Variants in GFOD1 observed in about 807,000 individuals in gnomAD.
GFOD1 encodes the protein Gfo/Idh/MocA-like oxidoreductase domain containing 1, also known as glucose-fructose oxidoreductase domain-containing protein 1.
Under a neutral mutation model 25.4 loss-of-function variants are expected in GFOD1, and 9 were observed. That is an observed-to-expected ratio of 0.35 (90% CI 0.21 to 0.62). The LOEUF is 0.62. Among genes scored for constraint, GFOD1 ranks in the 20% least tolerant of loss-of-function variants. GFOD1 has a pLI of 0.72. For synonymous variants in GFOD1, 253 were observed against 245.6 expected, an observed-to-expected ratio of 1.03 and a Z score of -0.28; for missense variants, 403 against 556.9, an observed-to-expected ratio of 0.72 and a Z score of 2.78.
chr6:13,401,674 A>T (rs2127563564), intron 1 of GFOD1, among the ~76,000 whole-genome samples: 1 of 152,346 alleles, frequency 6.6e-6, no homozygotes, highest in East Asian at 1.9e-4. Context: ...AAAATCAAAG[A>T]AGATCTTAAT....
At position 13,362,682 on chromosome 6, in the gene GFOD1, A is replaced by C. The variant is rs1784966227; in HGVS notation, c.*2061T>G. 6.6e-6 allele frequency: 1 copy of C among 152,260 alleles called. No homozygotes were observed. Among genetic ancestry groups the C allele is most frequent in the African/African-American group, 2.4e-5 (1 of 41,454 alleles). The allele number at this position is 152,260 out of a possible 1,614,324, so 9.4% of individuals were successfully genotyped here. A position where few individuals can be genotyped will look rare whatever the true frequency, so the allele number is the denominator to read the frequency against. On this transcript the variant is annotated 3_prime_UTR_variant, in exon 2 of 2. Coordinates refer to ENST00000379287, the MANE Select transcript of GFOD1 (RefSeq NM_018988.4). ...CAGCTTACCCACCCTGCAGTGCTGT[A>C]GCAAAGCCTCGGGAAGCAGGGCGAC...
intron 1 of GFOD1, among the ~76,000 whole-genome samples, chr6:13,431,988 T>C (rs914079140): frequency 3.9e-5 from 6 of 152,190 alleles, no homozygotes; most frequent in African/African-American, 1.4e-4. Context: ...TCAGCAGCAT[T>C]CTGCCTCTAC....
At chr6:13,469,170 G>C in intron 1 of GFOD1, 1 of 859,650 alleles carries the variant, frequency 1.2e-6, no homozygotes, top group South Asian at 5.3e-5. Context: ...ACAGTAAAGA[G>C]GCCACTGGTC....
chr6:13,378,402 G>A (rs558563811), intron 1 of GFOD1, among the ~76,000 whole-genome samples: 5 of 152,334 alleles, frequency 3.3e-5, no homozygotes, highest in African/African-American at 1.2e-4. Context: ...TGAAAGGAGG[G>A]CAGAGTCTAG....
intron 1 of GFOD1, among the ~76,000 whole-genome samples, chr6:13,457,695 A>G (rs1758214678): frequency 6.6e-6 from 1 of 152,218 alleles, no homozygotes; most frequent in African/African-American, 2.4e-5. Context: ...GATTCAGAGT[A>G]AGCAAGTCAT....
chr6:13,362,126 C>T lies in GFOD1; in HGVS notation c.*2617G>A, dbSNP rs1187914326. The T allele has an allele frequency of 6.6e-6, 1 of 151,988 alleles. No homozygotes were observed. Among genetic ancestry groups the T allele is most frequent in the Non-Finnish European group, 1.5e-5 (1 of 67,976 alleles). The allele number at this position is 151,988 out of a possible 1,614,324, so 9.4% of individuals were successfully genotyped here. Reference sequence around the variant, plus strand: ...CTAGAAAATAATAATAATAATAATTCCAATGTTTCCCCAAAAACTACTTTC... The same window carrying T: ...CTAGAAAATAATAATAATAATAATTTCAATGTTTCCCCAAAAACTACTTTC... On this transcript the variant is annotated 3_prime_UTR_variant, in exon 2 of 2. Transcript: ENST00000379287.
chr6:13,470,785 C>T (rs1562229303), intron 1 of GFOD1, among the ~76,000 whole-genome samples: 1 of 152,168 alleles, frequency 6.6e-6, no homozygotes. Flanking sequence ...CCCTTGACTA[C>T]AGTCAAGAGA....
At chr6:13,393,087 G>A (rs954423948) in intron 1 of GFOD1, among the ~76,000 whole-genome samples, 1 of 151,922 alleles carries the variant, frequency 6.6e-6, no homozygotes, top group African/African-American at 2.4e-5. Flanking sequence ...TGGGTGTGGT[G>A]GCTCATGTCT....
At chr6:13,437,803 T>C (rs1757856712) in intron 1 of GFOD1, among the ~76,000 whole-genome samples, 1 of 152,166 alleles carries the variant, frequency 6.6e-6, no homozygotes, top group Non-Finnish European at 1.5e-5. Context: ...CAGACAGAAA[T>C]CATTACTGGT....
chr6:13,360,669 T>C lies in GFOD1; in HGVS notation c.*4074A>G. On this transcript the variant is annotated 3_prime_UTR_variant, in exon 2 of 2. Coordinates refer to ENST00000379287, the MANE Select transcript of GFOD1 (RefSeq NM_018988.4). ...TCCATTTTGGAATGGGAAGAAACACTGGCTACTTCTATGTGCAGCTCTACA... is the reference window on the plus strand; with the variant it reads ...TCCATTTTGGAATGGGAAGAAACACCGGCTACTTCTATGTGCAGCTCTACA... 1 of 452,096 alleles carries C rather than the reference T, an allele frequency of 2.2e-6. No homozygotes were observed. The highest frequency in any genetic ancestry group is 4.5e-6 in the Non-Finnish European group (1 of 223,148). The allele number at this position is 452,096 out of a possible 1,614,324, so 28.0% of individuals were successfully genotyped here.
chr6:13,373,912 C>T (rs1240835073), intron 1 of GFOD1, among the ~76,000 whole-genome samples: 4 of 152,060 alleles, frequency 2.6e-5, no homozygotes, highest in Admixed American at 2.6e-4. Flanking sequence ...GAGACTAAAT[C>T]CCCGATTTTC....
intron 1 of GFOD1, among the ~76,000 whole-genome samples, chr6:13,436,496 T>C (rs1757835220): frequency 6.6e-6 from 1 of 152,266 alleles, no homozygotes; most frequent in African/African-American, 2.4e-5. Context: ...TAGAGATCTT[T>C]CCATATCAGC....
intron 1 of GFOD1, among the ~76,000 whole-genome samples, chr6:13,368,106 T>C (rs962357556): frequency 1.3e-5 from 2 of 152,384 alleles, no homozygotes; most frequent in Non-Finnish European, 2.9e-5. Context: ...GCCTGGCACA[T>C]GGCTTTCTCA....
intron 1 of GFOD1, among the ~76,000 whole-genome samples, chr6:13,475,260 A>G (rs1382651682): frequency 1.3e-5 from 2 of 152,138 alleles, no homozygotes; most frequent in East Asian, 3.9e-4. Context: ...CTACATACCA[A>G]CTATAATGGC....
chr6:13,429,654 G>A (rs1757714574), intron 1 of GFOD1, among the ~76,000 whole-genome samples: 1 of 152,174 alleles, frequency 6.6e-6, no homozygotes, highest in Non-Finnish European at 1.5e-5. Context: ...GGAAGAAATA[G>A]AACAGGGCAC....
intron 1 of GFOD1, among the ~76,000 whole-genome samples, chr6:13,444,608 T>C (rs1757973865): frequency 6.6e-6 from 1 of 152,172 alleles, no homozygotes; most frequent in African/African-American, 2.4e-5. Context: ...TCAATATTTT[T>C]ATTGGGATTG....
intron 1 of GFOD1, among the ~76,000 whole-genome samples, chr6:13,426,099 C>T (rs1477059077): frequency 1.3e-5 from 2 of 152,198 alleles, no homozygotes; most frequent in African/African-American, 4.8e-5. Flanking sequence ...CTCCAGGGCA[C>T]ACGATGCGAG....
At position 13,357,886 on chromosome 6, in the gene GFOD1, A is replaced by C. The variant is rs1488575498; in HGVS notation, c.*6857T>G. The C allele has an allele frequency of 6.6e-6, 1 of 152,328 alleles. No individual in the cohort carries two copies. Among genetic ancestry groups the C allele is most frequent in the Non-Finnish European group, 1.5e-5 (1 of 68,076 alleles). The allele number at this position is 152,328 out of a possible 1,614,324, so 9.4% of individuals were successfully genotyped here. ...TTTCATTCCTTTATCCCACCAATGC[A>C]AATTGCGGAGAACAGCTGGAAGCCA... On this transcript the variant is annotated 3_prime_UTR_variant, in exon 2 of 2. Coordinates refer to ENST00000379287, the MANE Select transcript of GFOD1 (RefSeq NM_018988.4).
At chr6:13,451,259 C>T (rs1261878072) in intron 1 of GFOD1, among the ~76,000 whole-genome samples, 2 of 152,160 alleles carry the variant, frequency 1.3e-5, no homozygotes. Context: ...ACTCTACTGG[C>T]CCCAAACATG....
Sources: gnomAD v4.1 joint callset for allele counts (sites outside exome capture counted in the v4.1 genomes callset) on GRCh38, gnomAD v4.1.1 for gene constraint, MANE v1.5 for transcripts, NCBI Gene and HGNC (gene_info 2026-07-23, HGNC 2026-07-21) for gene names.